Variants in DMD observed in about 807,000 individuals in gnomAD.
The protein encoded by DMD is mutant dystrophin.
In DMD, 63 loss-of-function variants were observed where a neutral mutation model predicts 330.1. The ratio of observed to expected loss-of-function variants is 0.19; its 90% CI spans 0.16 to 0.24. The LOEUF (loss-of-function observed/expected upper bound fraction) is 0.24. DMD is among the 10% of genes least tolerant of loss of function. The probability of loss-of-function intolerance (pLI) is 1.00; values close to 1 mark genes in which losing one functional copy is unlikely to be tolerated. For missense variants in DMD, 3,344 were observed against 2,684.1 expected (o/e 1.25, Z -5.43); for synonymous variants, 1,223 against 959.8 (o/e 1.27, Z -5.07).
intron 9 of DMD, among the ~76,000 whole-genome samples, chrX:32,687,308 G>C (rs1481326536): frequency 8.9e-6 from 1 of 111,849 alleles, no homozygotes; most frequent in Non-Finnish European, 1.9e-5. Context: ...GAAGAATCTT[G>C]TAAGTTCTGA....
intron 2 of DMD, among the ~76,000 whole-genome samples, chrX:32,984,405 CCACCA>C (rs1266806365): frequency 9.0e-6 from 1 of 111,723 alleles, no homozygotes; most frequent in Non-Finnish European, 1.9e-5. Flanking sequence ...CAGGCACCCA[CCACCA>C]CACCCGGCTA....
At chrX:31,451,547 G>T (rs1411762849) in intron 59 of DMD, among the ~76,000 whole-genome samples, 1 of 110,291 alleles carries the variant, frequency 9.1e-6, no homozygotes, top group Non-Finnish European at 1.9e-5. Flanking sequence ...CTCCCAAAGT[G>T]CTGGGATTAC....
chrX:33,305,473 C>T lies in DMD; in HGVS notation c.7+33786G>A, dbSNP rs759521670. Among the ~76,000 whole-genome samples, 733 of 101,114 alleles carry T rather than the reference C, an allele frequency of 7.2e-3. 7 individuals carry two copies. The highest frequency in any genetic ancestry group is 0.025 in the African/African-American group (700 of 27,508). The allele number at this position is 101,114 out of a possible 115,157, so 87.8% of individuals were successfully genotyped here. A position where few individuals can be genotyped will look rare whatever the true frequency, so the allele number is the denominator to read the frequency against. ...AGGAGATATACCTAATGCTAAATGACGAGTTAATGGGTGCAGCACACCAGC... is the reference window on the plus strand; with the variant it reads ...AGGAGATATACCTAATGCTAAATGATGAGTTAATGGGTGCAGCACACCAGC... On this transcript the variant is annotated intron_variant, in intron 1 of 17. Coordinates refer to the DMD transcript ENST00000288447.
intron 1 of DMD, among the ~76,000 whole-genome samples, chrX:33,277,888 G>A (rs901257274): frequency 6.3e-5 from 7 of 110,883 alleles, no homozygotes; most frequent in African/African-American, 2.3e-4. Context: ...CGGGAGGATC[G>A]CTGGAGACCA....
At chrX:32,107,358 GTGTGTGTGTGTGTGTC>G (rs1417089951) in intron 44 of DMD, among the ~76,000 whole-genome samples, 1,831 of 101,558 alleles carry the variant, frequency 0.018, 42 homozygotes, top group African/African-American at 0.07. Context: ...GTGTGTGTGT[GTGTGTGTGTGTGTGTC>G]TCTGTGTGTG....
At chrX:32,729,893 CA>C (rs1383667880) in intron 7 of DMD, among the ~76,000 whole-genome samples, 1 of 112,049 alleles carries the variant, frequency 8.9e-6, no homozygotes, top group Non-Finnish European at 1.9e-5. Flanking sequence ...AATGTACTAG[CA>C]AAACTAAAGC....
rs918626109 is a variant in DMD at position 31,907,731 on chromosome X, C to T, written c.6912+21865G>A. The stretch of plus-strand genomic sequence containing the variant: ...AATTGACAAATGGGATCTAATTAAA[C>T]GAAAGAGCTTCTGCACAGCAAAAGA... On this transcript the variant is annotated intron_variant, in intron 47 of 78. Coordinates refer to ENST00000357033, the MANE Select transcript of DMD (RefSeq NM_004006.3). 1.1e-4 allele frequency among the ~76,000 whole-genome samples: 12 copies of T among 111,819 alleles called. No individual in the cohort carries two copies. In the East Asian group the frequency reaches 1.1e-3, roughly 11 times the overall value.
At chrX:32,876,240 C>T (rs977104530) in intron 2 of DMD, among the ~76,000 whole-genome samples, 4 of 111,967 alleles carry the variant, frequency 3.6e-5, no homozygotes, top group Admixed American at 9.5e-5. Flanking sequence ...TTGCCACATC[C>T]TTTAATTACA....
intron 44 of DMD, among the ~76,000 whole-genome samples, chrX:32,150,182 A>G (rs763793454): frequency 3.6e-5 from 4 of 112,390 alleles, no homozygotes; most frequent in Admixed American, 2.8e-4. Context: ...CAATGACAGC[A>G]TCTCTACAGA....
At chrX:31,978,030 A>T (rs185949697) in intron 44 of DMD, among the ~76,000 whole-genome samples, 1 of 111,616 alleles carries the variant, frequency 9.0e-6, no homozygotes, top group African/African-American at 3.2e-5. Context: ...CTTTCTTATC[A>T]ATTTAGCTTG....
Position 32,545,161 on chromosome X carries a change from T to C in DMD, c.2166A>G (p.Lys722=), listed in dbSNP as rs147580966. ...RQITVDSEIR[K]RLDVDITELH... is the part of the protein sequence containing the mutation. ...ATAAAAGCTTAAGATGCTCTCACCT[T>C]TTCCTAATTTCAGAATCCACAGTAA... is the stretch of plus-strand genomic sequence containing the variant. Residue 722 remains lysine (K), a splice_region_variant and synonymous_variant, in exon 17 of 79, where the codon AAA becomes AAG. Coordinates refer to ENST00000357033, the MANE Select transcript of DMD (RefSeq NM_004006.3). The C allele has an allele frequency of 2.7e-5, 33 of 1,208,236 alleles. No individual in the cohort carries two copies. In the African/African-American group the frequency reaches 5.4e-4, roughly 20 times the overall value.
intron 41 of DMD, among the ~76,000 whole-genome samples, chrX:32,323,650 T>C (rs1344367937): frequency 8.9e-6 from 1 of 111,900 alleles, no homozygotes; most frequent in Non-Finnish European, 1.9e-5. Flanking sequence ...AGGCATAAAA[T>C]TGTTGTTTAA....
chrX:33,195,000 T>G (rs1488798083), intron 1 of DMD, among the ~76,000 whole-genome samples: 5 of 111,801 alleles, frequency 4.5e-5, no homozygotes, highest in Non-Finnish European at 7.5e-5. Context: ...CAATTCCATG[T>G]ATTTGAGTCA....
chrX:33,247,641 A>C (rs1297230535), intron 1 of DMD, among the ~76,000 whole-genome samples: 1 of 111,922 alleles, frequency 8.9e-6, no homozygotes, highest in African/African-American at 3.2e-5. Context: ...CATAGACTCT[A>C]ATTCAGAAAA....
intron 7 of DMD, among the ~76,000 whole-genome samples, chrX:32,768,111 C>G (rs1227631890): frequency 9.0e-6 from 1 of 111,376 alleles, no homozygotes; most frequent in East Asian, 2.8e-4. Flanking sequence ...TCAGTGGATA[C>G]CAGTAGAATA....
intron 19 of DMD, among the ~76,000 whole-genome samples, chrX:32,501,306 G>A (rs1191798355): frequency 2.7e-5 from 3 of 111,607 alleles, no homozygotes. Flanking sequence ...CACAGAAAAT[G>A]TCATATATAT....
intron 11 of DMD, among the ~76,000 whole-genome samples, chrX:32,629,629 A>G (rs11095234): frequency 0.32 from 34,983 of 109,240 alleles, 7,199 homozygotes; most frequent in African/African-American, 0.76. Context: ...CTTACTATTA[A>G]TGAAAGTAAT....
At chrX:32,739,388 TCTATGAGTG>T (rs1363187307) in intron 7 of DMD, among the ~76,000 whole-genome samples, 3 of 111,696 alleles carry the variant, frequency 2.7e-5, no homozygotes, top group African/African-American at 9.8e-5. Flanking sequence ...TGGGTAAATT[TCTATGAGTG>T]CGCTTGAAAA....
chrX:32,432,945 C>A (rs1443515422), intron 29 of DMD, among the ~76,000 whole-genome samples: 1 of 111,672 alleles, frequency 9.0e-6, no homozygotes, highest in Non-Finnish European at 1.9e-5. Context: ...TAGATTTTGT[C>A]CCTTTCAGTA....
Sources: gnomAD v4.1 joint callset for allele counts (sites outside exome capture counted in the v4.1 genomes callset) on GRCh38, gnomAD v4.1.1 for gene constraint, MANE v1.5 for transcripts, NCBI Gene and HGNC (gene_info 2026-07-23, HGNC 2026-07-21) for gene names.